Variants in PNPLA1 observed in about 807,000 individuals in gnomAD.
PNPLA1 encodes patatin like domain 1, omega-hydroxyceramide transacylase, also known as omega-hydroxyceramide transacylase.
In PNPLA1, 36 loss-of-function variants were observed where a neutral mutation model predicts 51.7. The ratio of observed to expected loss-of-function variants is 0.70; its 90% CI spans 0.53 to 0.92. The LOEUF (loss-of-function observed/expected upper bound fraction) is 0.92, where lower values mean the gene tolerates loss of function less well. Among genes scored for constraint, PNPLA1 ranks in the 40% least tolerant of loss-of-function variants. PNPLA1 has a pLI of 0.00. For synonymous variants in PNPLA1, 293 were observed against 280.1 expected (o/e 1.05, Z -0.46); for missense variants, 658 against 682.5 (o/e 0.96, Z 0.40).
chr6:36,294,480 C>A lies in PNPLA1; in HGVS notation c.714+81C>A. ...GGTTAGAGAGCCACTGGGGCCCACT[C>A]AAGTTCCATCTGAGTCTCCTCCCCT... On this transcript the variant is annotated intron_variant, in intron 4 of 8. Coordinates refer to ENST00000636260, the MANE Select transcript of PNPLA1 (RefSeq NM_001374623.1). This position sits in a 1 kb window ranked among gnomAD's most constrained non-coding sequence, Gnocchi z 4.2. The A allele has an allele frequency of 7.6e-7, 1 of 1,323,706 alleles. No homozygotes were observed. The highest frequency in any genetic ancestry group is 1.3e-5 in the South Asian group (1 of 77,956). 82.0% of individuals were successfully genotyped at this position (1,323,706 alleles called of 1,614,324 possible). A position where few individuals can be genotyped will look rare whatever the true frequency, so the allele number is the denominator to read the frequency against.
intron 6 of PNPLA1, among the ~76,000 whole-genome samples, chr6:36,305,341 A>G (rs1159765638): frequency 6.6e-6 from 1 of 152,170 alleles, no homozygotes; most frequent in Non-Finnish European, 1.5e-5. Flanking sequence ...AATGATGGCC[A>G]TTGGTGGCAT....
upstream of PNPLA1, among the ~76,000 whole-genome samples, chr6:36,266,168 C>T (rs144635710): frequency 5.1e-4 from 78 of 152,306 alleles, 1 homozygote; most frequent in African/African-American, 9.9e-4. Flanking sequence ...TTAGCTCCAA[C>T]GAGCCTTGAG....
rs1232376773 is a variant in PNPLA1, at chr6:36,291,347, G to A, written c.233G>A (p.Gly78Asp). ...MDEYLRVLNV[G>D]VAEVKKSFLG... ...GAGTATCTCAGAGTCCTCAACGTGG[G>A]TGTGGCCGAGGTGAAGAAATCCTTC... Residue 78 changes from glycine (G) to aspartate (D), a missense_variant, in exon 2 of 9, where the codon GGT becomes GAT. Transcript: ENST00000636260. 8.7e-6 allele frequency: 14 copies of A among 1,614,144 alleles called. No individual in the cohort carries two copies. The highest frequency in any genetic ancestry group is 1.2e-5 in the Non-Finnish European group (14 of 1,180,012).
Position 36,270,648 on chromosome 6 carries a change from C to G in PNPLA1, c.189C>G (p.Ile63Met). ...SAGAVIAALA[I>M]CGIEMDEYLR... Reference sequence around the variant, plus strand: ...GTGCTGTGATCGCCGCCCTGGCCATCTGCGGGATTGAAATGGGTGAGGCCT... The same window carrying G: ...GTGCTGTGATCGCCGCCCTGGCCATGTGCGGGATTGAAATGGGTGAGGCCT... Residue 63 changes from isoleucine to methionine, a missense_variant, in exon 1 of 9, where the codon ATC (isoleucine) becomes ATG (methionine). Transcript: ENST00000636260. The G allele has an allele frequency of 6.4e-7, 1 of 1,551,112 alleles. No homozygotes were observed. The highest frequency in any genetic ancestry group is 8.7e-7 in the Non-Finnish European group (1 of 1,146,994).
At chr6:36,275,426 T>A (rs1770061396) in intron 1 of PNPLA1, among the ~76,000 whole-genome samples, 1 of 152,228 alleles carries the variant, frequency 6.6e-6, no homozygotes, top group Non-Finnish European at 1.5e-5. Flanking sequence ...TACAATGATT[T>A]CTTCTACATT....
intron 6 of PNPLA1, 41 bp from the exon 7 acceptor site, chr6:36,306,251 C>T (rs780350401): frequency 6.8e-7 from 1 of 1,473,722 alleles, no homozygotes; most frequent in East Asian, 2.3e-5. Flanking sequence ...CCATATCCCC[C>T]CTCCCCATCT....
At chr6:36,248,619 A>G (rs574796934) in intron 1 of PNPLA1, among the ~76,000 whole-genome samples, 2 of 152,118 alleles carry the variant, frequency 1.3e-5, no homozygotes, top group African/African-American at 4.8e-5. Flanking sequence ...CCTGGATTCA[A>G]GCAATTCTCC....
chr6:36,310,625 G>A (rs143847877), intron 8 of PNPLA1, among the ~76,000 whole-genome samples: 1 of 152,206 alleles, frequency 6.6e-6, no homozygotes, highest in Non-Finnish European at 1.5e-5. Flanking sequence ...GCACAGAGAG[G>A]TTAAGTAACA....
At chr6:36,303,482 C>G (rs112121361) in intron 6 of PNPLA1, among the ~76,000 whole-genome samples, 3,935 of 152,282 alleles carry the variant, frequency 0.026, 64 homozygotes, top group Middle Eastern at 0.058. Context: ...TTCTCAATTC[C>G]TTACTCAGGA....
At chr6:36,279,091 G>A (rs1770198865) in intron 1 of PNPLA1, among the ~76,000 whole-genome samples, 1 of 152,186 alleles carries the variant, frequency 6.6e-6, no homozygotes, top group South Asian at 2.1e-4. Flanking sequence ...GTCTGCAGGT[G>A]TAGTTGCCCC....
At chr6:36,247,537 G>T (rs1465815745) in intron 1 of PNPLA1, among the ~76,000 whole-genome samples, 1 of 152,232 alleles carries the variant, frequency 6.6e-6, no homozygotes, top group African/African-American at 2.4e-5. Flanking sequence ...CATAGTAAGT[G>T]CATATTCATT....
intron 1 of PNPLA1, among the ~76,000 whole-genome samples, 176 bp downstream of exon 1, chr6:36,270,840 G>T (rs1769894458): frequency 6.6e-6 from 1 of 152,130 alleles, no homozygotes; most frequent in African/African-American, 2.4e-5. Context: ...TGAAGGTTGG[G>T]GTCTGCCAGG....
At chr6:36,287,328 GA>G (rs1770525135) in intron 1 of PNPLA1, among the ~76,000 whole-genome samples, 1 of 152,088 alleles carries the variant, frequency 6.6e-6, no homozygotes, top group Non-Finnish European at 1.5e-5. Flanking sequence ...AGAGGAGGAG[GA>G]GAACCAGATT....
chr6:36,303,809 G>A (rs1315987927), intron 6 of PNPLA1, among the ~76,000 whole-genome samples: 1 of 152,200 alleles, frequency 6.6e-6, no homozygotes, highest in Non-Finnish European at 1.5e-5. Flanking sequence ...TCCAGCCTGG[G>A]CAACAAGAGT....
Position 36,294,868 on chromosome 6 carries a change from A to G in PNPLA1, c.714+469A>G, listed in dbSNP as rs192105337. Among the ~76,000 whole-genome samples the G allele has an allele frequency of 5.3e-5, 8 of 152,356 alleles. No individual in the cohort carries two copies. The highest frequency in any genetic ancestry group is 5.2e-4 in the Admixed American group (8 of 15,304). ...GCATGTGGCCAGCAAAGCCCAAAATAAGTATTTACTATCTGGCCCTTTACA... is the reference window on the plus strand; with the variant it reads ...GCATGTGGCCAGCAAAGCCCAAAATGAGTATTTACTATCTGGCCCTTTACA... On this transcript the variant is annotated intron_variant, in intron 4 of 8. Transcript: ENST00000636260. The surrounding 1 kb of genome is among the most constrained non-coding windows in gnomAD (Gnocchi z 4.2).
chr6:36,254,068 A>T (rs1769478332), intron 1 of PNPLA1, among the ~76,000 whole-genome samples: 1 of 151,542 alleles, frequency 6.6e-6, no homozygotes, highest in African/African-American at 2.4e-5. Context: ...TCTCACCTTT[A>T]AAAAAAACAA....
In PNPLA1 at chr6:36,270,596, C is replaced by T. The variant is rs1050856234; in HGVS notation, c.137C>T (p.Ala46Val). ...RDLAPRMLET[A>V]HRFAGTSAGA... ...CTGGCCCCCCGGATGCTGGAAACAG[C>T]CCACCGCTTTGCGGGGACATCGGCA... The change falls in exon 1 of 9, where the codon GCC becomes GTC. Residue 46 changes from alanine to valine, a missense_variant. Physicochemically the swap from Ala to Val is moderately conservative, Grantham distance 64. Coordinates refer to ENST00000636260, the MANE Select transcript of PNPLA1 (RefSeq NM_001374623.1). The T allele has an allele frequency of 6.4e-7, 1 of 1,551,548 alleles. No individual in the cohort carries two copies. The highest frequency in any genetic ancestry group is 1.4e-5 in the African/African-American group (1 of 73,064).
At chr6:36,282,970 A>G (rs1770366318) in intron 1 of PNPLA1, among the ~76,000 whole-genome samples, 1 of 152,184 alleles carries the variant, frequency 6.6e-6, no homozygotes, top group South Asian at 2.1e-4. Context: ...GGCATGAGCC[A>G]CCGCACCTGA....
chr6:36,309,079 G>A (rs1771329850), intron 8 of PNPLA1, among the ~76,000 whole-genome samples: 1 of 152,290 alleles, frequency 6.6e-6, no homozygotes, highest in South Asian at 2.1e-4. Flanking sequence ...GTCCCTGGAT[G>A]GGCACAGGGA....
Sources: gnomAD v4.1 joint callset for allele counts (sites outside exome capture counted in the v4.1 genomes callset) on GRCh38, gnomAD v4.1.1 for gene constraint, Gnocchi (gnomAD v3.1) non-coding constraint, MANE v1.5 for transcripts, NCBI Gene and HGNC (gene_info 2026-07-23, HGNC 2026-07-21) for gene names.